KCND2: variants seen among roughly 807,000 people sequenced by gnomAD.
The protein encoded by KCND2 is A-type voltage-gated potassium channel KCND2.
Under a neutral mutation model 54.4 loss-of-function variants are expected in KCND2, and 16 were observed. That is an observed-to-expected ratio of 0.29 (90% confidence interval 0.20 to 0.45). The LOEUF (loss-of-function observed/expected upper bound fraction) is 0.45, where lower values mean the gene tolerates loss of function less well. Ranked by LOEUF, KCND2 falls within the 20% of genes least tolerant of loss-of-function variation. The pLI, the probability that KCND2 is intolerant of heterozygous loss-of-function variation, is 1.00. For synonymous variants in KCND2, 317 were observed against 310.7 expected, an observed-to-expected ratio of 1.02 and a Z score of -0.21; for missense variants, 486 against 824.2, an observed-to-expected ratio of 0.59 and a Z score of 5.02.
chr7:120,522,369 C>T (rs181999085), intron 1 of KCND2, among the ~76,000 whole-genome samples: 1 of 152,252 alleles, frequency 6.6e-6, no homozygotes, highest in African/African-American at 2.4e-5. Flanking sequence ...GGACTTATGG[C>T]GTGACCCTGA....
At chr7:120,520,255 AT>A (rs1283396528) in intron 1 of KCND2, among the ~76,000 whole-genome samples, 8 of 152,094 alleles carry the variant, frequency 5.3e-5, no homozygotes, top group African/African-American at 1.9e-4. Context: ...CAGTAATTCT[AT>A]TTGTGATAAT....
chr7:120,301,496 G>A (rs1437470765), intron 1 of KCND2, among the ~76,000 whole-genome samples: 1 of 151,658 alleles, frequency 6.6e-6, no homozygotes, highest in Non-Finnish European at 1.5e-5. Context: ...AGGTTTGCAG[G>A]GTTTTTTTTT....
intron 1 of KCND2, among the ~76,000 whole-genome samples, chr7:120,555,054 A>G (rs1584826102): frequency 6.6e-6 from 1 of 152,316 alleles, no homozygotes; most frequent in African/African-American, 2.4e-5. Flanking sequence ...AGTATATAGT[A>G]AAGAACAATT....
At chr7:120,408,742 T>C (rs947114674) in intron 1 of KCND2, among the ~76,000 whole-genome samples, 5 of 151,818 alleles carry the variant, frequency 3.3e-5, no homozygotes, top group African/African-American at 1.2e-4. Flanking sequence ...TTCTTACTTA[T>C]TGACGGACAG....
At chr7:120,593,067 A>G (rs761948030) in intron 1 of KCND2, among the ~76,000 whole-genome samples, 4 of 152,202 alleles carry the variant, frequency 2.6e-5, no homozygotes, top group Non-Finnish European at 5.9e-5. Flanking sequence ...GCCAACTTGA[A>G]TATCAGCAAA....
chr7:120,321,166 C>A (rs1004654159), intron 1 of KCND2, among the ~76,000 whole-genome samples: 2 of 152,122 alleles, frequency 1.3e-5, no homozygotes, highest in African/African-American at 4.8e-5. Flanking sequence ...ACAGCCTCAG[C>A]CCTCCACTAT....
chr7:120,299,844 C>T (rs1243967619), intron 1 of KCND2, among the ~76,000 whole-genome samples: 3 of 152,118 alleles, frequency 2.0e-5, no homozygotes, highest in Non-Finnish European at 2.9e-5. Context: ...GGCCTACTTG[C>T]AAAGTGGCTG....
At chr7:120,705,980 C>A (rs1029509342) in intron 1 of KCND2, among the ~76,000 whole-genome samples, 3 of 152,064 alleles carry the variant, frequency 2.0e-5, no homozygotes, top group African/African-American at 7.2e-5. Flanking sequence ...CCTTTATTGA[C>A]TAACTTCTAT....
intron 1 of KCND2, among the ~76,000 whole-genome samples, chr7:120,383,376 C>G (rs1800939647): frequency 6.6e-6 from 1 of 151,858 alleles, no homozygotes; most frequent in African/African-American, 2.4e-5. Context: ...TTTATTTGAA[C>G]AAATTACTTA....
intron 1 of KCND2, among the ~76,000 whole-genome samples, chr7:120,538,700 T>C (rs1791941828): frequency 6.6e-6 from 1 of 151,982 alleles, no homozygotes. Flanking sequence ...CTTCCCCTGC[T>C]AGCCAGGGGC....
At chr7:120,393,280 G>A (rs767825573) in intron 1 of KCND2, among the ~76,000 whole-genome samples, 3 of 152,024 alleles carry the variant, frequency 2.0e-5, no homozygotes, top group Admixed American at 6.6e-5. Flanking sequence ...GAAATAAATC[G>A]TACCAATATG....
At chr7:120,624,610 T>C (rs1185896456) in intron 1 of KCND2, among the ~76,000 whole-genome samples, 1 of 151,864 alleles carries the variant, frequency 6.6e-6, no homozygotes, top group Non-Finnish European at 1.5e-5. Context: ...TAAGACCTTG[T>C]CTCAAGAAAA....
At chr7:120,464,112 C>G (rs1011889461) in intron 1 of KCND2, 1 of 978,812 alleles carries the variant, frequency 1.0e-6, no homozygotes, top group African/African-American at 1.8e-5. Flanking sequence ...CCTGGTTTCC[C>G]CCTAGCTATC....
At chr7:120,601,862 A>G (rs1792817805) in intron 1 of KCND2, among the ~76,000 whole-genome samples, 1 of 152,264 alleles carries the variant, frequency 6.6e-6, no homozygotes, top group African/African-American at 2.4e-5. Flanking sequence ...ACCCTTTCTC[A>G]CCTAGCTAAT....
chr7:120,419,947 C>A (rs1262905886), intron 1 of KCND2, among the ~76,000 whole-genome samples: 4 of 144,070 alleles, frequency 2.8e-5, no homozygotes, highest in Non-Finnish European at 4.5e-5. Context: ...TTTTTTCTTT[C>A]TTTTTTTTTC....
At chr7:120,733,655 C>T (rs563003460) in intron 2 of KCND2, among the ~76,000 whole-genome samples, 1 of 152,128 alleles carries the variant, frequency 6.6e-6, no homozygotes, top group South Asian at 2.1e-4. Flanking sequence ...TTAAAGGTCA[C>T]CAAGATGTGT....
At chr7:120,452,034 T>C (rs1461639700) in intron 1 of KCND2, among the ~76,000 whole-genome samples, 1 of 152,244 alleles carries the variant, frequency 6.6e-6, no homozygotes, top group Non-Finnish European at 1.5e-5. Flanking sequence ...TTAAATTTGA[T>C]CACTTTCTTC....
chr7:120,676,101 T>A (rs1331408631), intron 1 of KCND2, among the ~76,000 whole-genome samples: 4 of 152,054 alleles, frequency 2.6e-5, no homozygotes, highest in Admixed American at 2.6e-4. Context: ...GCCTCCCAAA[T>A]TGTTGAGATT....
intron 4 of KCND2, among the ~76,000 whole-genome samples, chr7:120,743,122 G>T (rs1196699694): frequency 6.6e-6 from 1 of 152,168 alleles, no homozygotes; most frequent in East Asian, 1.9e-4. Flanking sequence ...TCACTGGTAT[G>T]CCCTTGGGTG....
Sources: gnomAD v4.1 joint callset for allele counts (sites outside exome capture counted in the v4.1 genomes callset) on GRCh38, gnomAD v4.1.1 for gene constraint, MANE v1.5 for transcripts, NCBI Gene and HGNC (gene_info 2026-07-23, HGNC 2026-07-21) for gene names.